The following MAST4 variants were observed in gnomAD, a reference collection of about 807,000 sequenced individuals.
MAST4 encodes the protein microtubule-associated serine/threonine-protein kinase 4.
Under a neutral mutation model 162.7 loss-of-function variants are expected in MAST4, and 89 were observed. That is an observed-to-expected ratio of 0.55 (90% CI 0.46 to 0.65). MAST4 has a LOEUF of 0.65. Among genes scored for constraint, MAST4 ranks in the 30% least tolerant of loss-of-function variants. MAST4 has a pLI of 0.00. For synonymous variants in MAST4, 1,479 were observed against 1,361.1 expected (o/e 1.09, Z -1.91); for missense variants, 3,153 against 3,374.0 (o/e 0.93, Z 1.62).
intron 4 of MAST4, among the ~76,000 whole-genome samples, chr5:67,012,255 A>G (rs1189765520): frequency 6.6e-6 from 1 of 152,180 alleles, no homozygotes; most frequent in African/African-American, 2.4e-5. Context: ...AATCATTTGA[A>G]TTCCTGTGTG....
chr5:67,064,866 G>C (rs1425966500), intron 5 of MAST4, among the ~76,000 whole-genome samples: 1 of 152,170 alleles, frequency 6.6e-6, no homozygotes, highest in African/African-American at 2.4e-5. Flanking sequence ...TCTCAAAATA[G>C]TCAACTTCTT....
rs1774267078 is a variant in MAST4, at chr5:67,168,260, G to A, written c.*1209G>A. The A allele has an allele frequency of 6.6e-6, 1 of 151,918 alleles. No individual in the cohort carries two copies. Among genetic ancestry groups the A allele is most frequent in the Non-Finnish European group, 1.5e-5 (1 of 67,998 alleles). 9.4% of individuals were successfully genotyped at this position (151,918 alleles called of 1,614,324 possible). ...AGCTTGCTGTTTTTAGCAAGTTCCT[G>A]GGTTTCACATTCATTTCTGCTGCAT... is the stretch of plus-strand genomic sequence containing the variant. On this transcript the variant is annotated 3_prime_UTR_variant, in exon 29 of 29. Transcript: ENST00000403625.
At chr5:66,754,718 A>G (rs1433688591) in intron 1 of MAST4, among the ~76,000 whole-genome samples, 1 of 152,222 alleles carries the variant, frequency 6.6e-6, no homozygotes, top group Non-Finnish European at 1.5e-5. Flanking sequence ...GGGGGAGAAG[A>G]GCAAGAAACA....
intron 1 of MAST4, among the ~76,000 whole-genome samples, chr5:66,717,009 G>C (rs1053141492): frequency 7.9e-5 from 12 of 152,166 alleles, no homozygotes; most frequent in Non-Finnish European, 1.5e-4. Context: ...TTCTGTAGGG[G>C]GAGACCAGCG....
At chr5:66,628,514 G>C (rs575449428) in intron 1 of MAST4, among the ~76,000 whole-genome samples, 27 of 151,940 alleles carry the variant, frequency 1.8e-4, no homozygotes, top group Non-Finnish European at 2.9e-4. Flanking sequence ...GATTATAGAG[G>C]GAATTCTACT....
chr5:66,948,586 A>G (rs772393671), intron 4 of MAST4, among the ~76,000 whole-genome samples: 1 of 151,458 alleles, frequency 6.6e-6, no homozygotes, highest in Non-Finnish European at 1.5e-5. Context: ...CCACATAACT[A>G]CTCTTGGTAC....
chr5:66,797,710 G>T (rs949471225), intron 3 of MAST4, among the ~76,000 whole-genome samples: 13 of 152,192 alleles, frequency 8.5e-5, no homozygotes, highest in African/African-American at 3.1e-4. Flanking sequence ...GACTTGACCT[G>T]CAGGTGTCTG....
chr5:66,938,506 G>T (rs138785459), intron 4 of MAST4, among the ~76,000 whole-genome samples: 6 of 152,292 alleles, frequency 3.9e-5, no homozygotes, highest in African/African-American at 1.4e-4. Flanking sequence ...TAATGATTGT[G>T]TTCTATTCAT....
intron 1 of MAST4, among the ~76,000 whole-genome samples, chr5:66,684,198 C>T (rs1273151610): frequency 6.6e-6 from 1 of 152,174 alleles, no homozygotes; most frequent in Admixed American, 6.5e-5. Context: ...AACATCTTTC[C>T]ATCCAAATAG....
chr5:67,168,627 T>C lies in MAST4; in HGVS notation c.*1576T>C, dbSNP rs1211492338. ...TACAGATAAGTATTTATAAGTTGCT[T>C]GGGAACCATAGCAGAATTTTTTGTT... On this transcript the variant is annotated 3_prime_UTR_variant, in exon 29 of 29. Transcript: ENST00000403625. The C allele has an allele frequency of 6.6e-6, 1 of 152,210 alleles. No homozygotes were observed. The highest frequency in any genetic ancestry group is 1.5e-5 in the Non-Finnish European group (1 of 68,034). 9.4% of individuals were successfully genotyped at this position (152,210 alleles called of 1,614,324 possible).
At chr5:67,101,532 G>A (rs763691293) in intron 8 of MAST4, among the ~76,000 whole-genome samples, 26 of 152,286 alleles carry the variant, frequency 1.7e-4, no homozygotes, top group Non-Finnish European at 3.5e-4. Flanking sequence ...TCACTTATCC[G>A]CTGCAGTATG....
At chr5:66,790,107 T>C (rs938401989) in intron 3 of MAST4, among the ~76,000 whole-genome samples, 5 of 151,238 alleles carry the variant, frequency 3.3e-5, no homozygotes, top group African/African-American at 4.9e-5. Context: ...TTGTATGATA[T>C]GGAAATAGAT....
chr5:67,145,065 C>T, intron 22 of MAST4, 79 bp from the exon 23 acceptor site: 1 of 1,273,872 alleles, frequency 7.9e-7, no homozygotes, highest in Non-Finnish European at 1.1e-6. Context: ...GTCCGATTTT[C>T]ACCTGGTTTC....
chr5:66,651,857 T>G (rs1407132010), intron 1 of MAST4, among the ~76,000 whole-genome samples: 1 of 152,214 alleles, frequency 6.6e-6, no homozygotes, highest in Non-Finnish European at 1.5e-5. Context: ...GGGCCTCTCC[T>G]CACTGGCTGT....
chr5:67,061,902 G>A (rs1321589525), intron 5 of MAST4, among the ~76,000 whole-genome samples: 39 of 152,024 alleles, frequency 2.6e-4, no homozygotes, highest in Admixed American at 2.6e-3. Flanking sequence ...AGCCAAATGG[G>A]CATTACAACA....
At position 66,863,726 on chromosome 5, in the gene MAST4, T is replaced by C. The variant is rs78053920; in HGVS notation, c.643-36225T>C. 9.7e-3 allele frequency among the ~76,000 whole-genome samples: 1,482 copies of C among 152,110 alleles called. 7 individuals are homozygous for C. Among genetic ancestry groups the C allele is most frequent in the Middle Eastern group, 0.017 (5 of 294 alleles). ...GACAGGAGACAAGAAGGAGGGAGAATAGAGAATGTGATCGAAATCATTGCT... is the reference window on the plus strand; with the variant it reads ...GACAGGAGACAAGAAGGAGGGAGAACAGAGAATGTGATCGAAATCATTGCT... On this transcript the variant is annotated intron_variant, in intron 3 of 28. Coordinates refer to ENST00000403625, the MANE Select transcript of MAST4 (RefSeq NM_001164664.2).
chr5:67,054,398 T>C lies in MAST4; in HGVS notation c.675-6T>C. The C allele has an allele frequency of 1.3e-6, 2 of 1,598,330 alleles. No homozygotes were observed. Among genetic ancestry groups the C allele is most frequent in the Non-Finnish European group, 1.7e-6 (2 of 1,172,666 alleles). On this transcript the variant is annotated splice_polypyrimidine_tract_variant and splice_region_variant and intron_variant, in intron 4 of 28. Coordinates refer to ENST00000403625, the MANE Select transcript of MAST4 (RefSeq NM_001164664.2). ...TTAAACTTTGTTTTTTCTTTCTTTT[T>C]GATAGTTGCCGAACAAGCAACCGGA... is the stretch of plus-strand genomic sequence containing the variant.
At chr5:66,677,230 C>T (rs1748006402) in intron 1 of MAST4, among the ~76,000 whole-genome samples, 2 of 152,180 alleles carry the variant, frequency 1.3e-5, no homozygotes, top group African/African-American at 4.8e-5. Context: ...GAGAGATTAG[C>T]ATAAAAGTAG....
chr5:66,683,935 TGGAGGGCAGG>T (rs1748481402), intron 1 of MAST4, among the ~76,000 whole-genome samples: 1 of 152,036 alleles, frequency 6.6e-6, no homozygotes, highest in Non-Finnish European at 1.5e-5. Context: ...AAAGTTGGAG[TGGAGGGCAGG>T]GGATTGTGCT....
Sources: gnomAD v4.1 joint callset for allele counts (sites outside exome capture counted in the v4.1 genomes callset) on GRCh38, gnomAD v4.1.1 for gene constraint, MANE v1.5 for transcripts, NCBI Gene and HGNC (gene_info 2026-07-23, HGNC 2026-07-21) for gene names.